Variants in ZNF385D observed in about 807,000 individuals in gnomAD.
ZNF385D encodes zinc finger protein 385D.
ZNF385D carries 15 observed loss-of-function variants against 35.8 expected under a neutral mutation model. The observed-to-expected ratio is 0.42, with a 90% CI of 0.28 to 0.64. ZNF385D has a LOEUF of 0.64. Ranked by LOEUF, ZNF385D falls within the 30% of genes least tolerant of loss-of-function variation. ZNF385D has a pLI of 0.23. For synonymous variants in ZNF385D, 212 were observed against 186.8 expected (o/e 1.13, Z -1.10); for missense variants, 474 against 494.6 (o/e 0.96, Z 0.39).
chr3:22,234,534 G>C (rs1699071032), intron 2 of ZNF385D, among the ~76,000 whole-genome samples: 5 of 151,700 alleles, frequency 3.3e-5, no homozygotes, highest in Admixed American at 2.6e-4. Context: ...TGACTGAAAA[G>C]CATCCCACCA....
At chr3:21,999,573 T>A (rs929131766) in intron 3 of ZNF385D, among the ~76,000 whole-genome samples, 2 of 152,148 alleles carry the variant, frequency 1.3e-5, no homozygotes, top group African/African-American at 4.8e-5. Context: ...CAGACTAGTT[T>A]TCAAATATGG....
chr3:21,656,992 T>C (rs556085705), intron 2 of ZNF385D, among the ~76,000 whole-genome samples: 54 of 151,940 alleles, frequency 3.6e-4, no homozygotes, highest in African/African-American at 1.2e-3. Context: ...ACAGGCCAAA[T>C]ATATTACTTG....
At chr3:22,002,571 C>T (rs1469292012) in intron 3 of ZNF385D, among the ~76,000 whole-genome samples, 2 of 152,126 alleles carry the variant, frequency 1.3e-5, no homozygotes, top group Non-Finnish European at 2.9e-5. Context: ...CTTTCTAACT[C>T]ATTTTATGAG....
chr3:22,331,748 C>G (rs943798717), intron 2 of ZNF385D, among the ~76,000 whole-genome samples: 3 of 152,020 alleles, frequency 2.0e-5, no homozygotes, highest in Non-Finnish European at 2.9e-5. Flanking sequence ...TCTTGAGAAG[C>G]TCTATTGATT....
At chr3:22,079,748 G>A (rs2620554) in intron 3 of ZNF385D, among the ~76,000 whole-genome samples, 122,971 of 151,840 alleles carry the variant, frequency 0.81, 50,679 homozygotes, top group African/African-American at 0.85. Context: ...TTTTCCTTTG[G>A]TTTTTAAAAT....
chr3:21,721,769 C>G (rs922496062), intron 1 of ZNF385D, among the ~76,000 whole-genome samples: 4 of 152,130 alleles, frequency 2.6e-5, no homozygotes, highest in Non-Finnish European at 5.9e-5. Flanking sequence ...CCAAGCCTCA[C>G]ATTTTAAGTC....
At chr3:22,288,274 G>T (rs187684276) in intron 2 of ZNF385D, among the ~76,000 whole-genome samples, 1 of 151,926 alleles carries the variant, frequency 6.6e-6, no homozygotes, top group African/African-American at 2.4e-5. Context: ...CTTATATGTG[G>T]ACTTCTATTT....
At chr3:22,348,181 T>C (rs1695745251) in intron 2 of ZNF385D, among the ~76,000 whole-genome samples, 1 of 152,146 alleles carries the variant, frequency 6.6e-6, no homozygotes, top group Admixed American at 6.5e-5. Context: ...AGCTCATTGT[T>C]ACAAAGGCAT....
At position 21,848,689 on chromosome 3, in the gene ZNF385D, G is replaced by T. The variant is rs185377919; in HGVS notation, c.326-183661C>A. ...CAACCTACCAAGACAGAATCGTAAA[G>T]AAATAGAATGCCTGAATAGTCGTAT... On this transcript the variant is annotated intron_variant, in intron 3 of 5. Transcript: ENST00000494108. Among the ~76,000 whole-genome samples, 8 of 151,940 alleles carry T rather than the reference G, an allele frequency of 5.3e-5. No homozygotes were observed. In the East Asian group the frequency reaches 1.4e-3, roughly 26 times the overall value.
chr3:21,766,635 C>A (rs770016022), intron 3 of ZNF385D, among the ~76,000 whole-genome samples: 1 of 151,934 alleles, frequency 6.6e-6, no homozygotes. Context: ...GTATTCAAGG[C>A]CCACTATGGA....
At chr3:21,525,269 A>C (rs1196705545) in intron 3 of ZNF385D, among the ~76,000 whole-genome samples, 2 of 152,154 alleles carry the variant, frequency 1.3e-5, no homozygotes, top group Non-Finnish European at 2.9e-5. Context: ...TGACCTCTTA[A>C]AGGTATATTC....
chr3:22,010,439 G>A (rs895221224), intron 3 of ZNF385D, among the ~76,000 whole-genome samples: 1 of 152,124 alleles, frequency 6.6e-6, no homozygotes, highest in East Asian at 1.9e-4. Flanking sequence ...ATACCAGTTC[G>A]CCTCTAAATG....
chr3:21,960,409 T>C (rs1702523356), intron 3 of ZNF385D, among the ~76,000 whole-genome samples: 2 of 152,006 alleles, frequency 1.3e-5, no homozygotes, highest in African/African-American at 4.8e-5. Context: ...CCAGTTAGAA[T>C]GGCTATTACC....
chr3:21,865,033 G>A (rs560729585), intron 3 of ZNF385D, among the ~76,000 whole-genome samples: 30 of 120,798 alleles, frequency 2.5e-4, no homozygotes, highest in African/African-American at 9.6e-4. Context: ...ACTCTGTGGG[G>A]TACAGGGAAG....
chr3:22,310,019 G>T (rs1230374060), intron 2 of ZNF385D, among the ~76,000 whole-genome samples: 1 of 151,934 alleles, frequency 6.6e-6, no homozygotes. Flanking sequence ...AGAGATTAGA[G>T]TTATTTACAT....
Position 22,059,819 on chromosome 3 carries a change from A to G in ZNF385D, c.325+108998T>C, listed in dbSNP as rs114274469. ...CTAAGGGATGCTCTGGTAGTTGGTA[A>G]AACATTATTTCTGGGTGTGACTGTG... On this transcript the variant is annotated intron_variant, in intron 3 of 5. Coordinates refer to the ZNF385D transcript ENST00000494108. 3.2e-3 allele frequency among the ~76,000 whole-genome samples: 493 copies of G among 152,260 alleles called. 2 individuals are homozygous for G. Among genetic ancestry groups the G allele is most frequent in the African/African-American group, 0.011 (474 of 41,546 alleles).
intron 3 of ZNF385D, among the ~76,000 whole-genome samples, chr3:22,163,325 T>G (rs1367021276): frequency 6.6e-6 from 1 of 152,162 alleles, no homozygotes; most frequent in Non-Finnish European, 1.5e-5. Context: ...CCTTTATTTC[T>G]GCATAACGTA....
chr3:21,476,680 T>G (rs1436852552), intron 4 of ZNF385D, among the ~76,000 whole-genome samples: 3 of 152,126 alleles, frequency 2.0e-5, no homozygotes, highest in Non-Finnish European at 4.4e-5. Flanking sequence ...ATTTTTAAAA[T>G]TTAAAAACTT....
chr3:21,750,645 C>T (rs766621074), intron 1 of ZNF385D, among the ~76,000 whole-genome samples: 1 of 151,384 alleles, frequency 6.6e-6, no homozygotes. Context: ...GCAAAGTTTA[C>T]CCCCCCGCCC....
Sources: gnomAD v4.1 joint callset for allele counts (sites outside exome capture counted in the v4.1 genomes callset) on GRCh38, gnomAD v4.1.1 for gene constraint, MANE v1.5 for transcripts, NCBI Gene and HGNC (gene_info 2026-07-23, HGNC 2026-07-21) for gene names.